GTF2A1: variants seen among roughly 807,000 people sequenced by gnomAD.
GTF2A1 encodes transcription initiation factor IIA subunit 1.
GTF2A1 carries 12 observed loss-of-function variants against 54.1 expected under a neutral mutation model. That is an observed-to-expected ratio of 0.22 (90% CI 0.14 to 0.36). The LOEUF (loss-of-function observed/expected upper bound fraction) is 0.36, where lower values mean the gene tolerates loss of function less well. Among genes scored for constraint, GTF2A1 ranks in the 10% least tolerant of loss-of-function variants. The pLI, the probability that GTF2A1 is intolerant of heterozygous loss-of-function variation, is 1.00. For synonymous variants in GTF2A1, 145 were observed against 152.0 expected (o/e 0.95, Z 0.34); for missense variants, 335 against 442.2 (o/e 0.76, Z 2.17).
At chr14:81,200,856 C>T (rs2140160711) in intron 4 of GTF2A1, among the ~76,000 whole-genome samples, 1 of 142,020 alleles carries the variant, frequency 7.0e-6, no homozygotes, top group East Asian at 2.1e-4. Context: ...TTGAACTACT[C>T]TAATCTGACT....
chr14:81,204,011 G>A lies in GTF2A1; in HGVS notation c.226C>T (p.Pro76Ser), dbSNP rs759857062. Residue 76 changes from proline to serine, a missense_variant, in exon 3 of 9, where the codon CCC (proline) becomes TCC (serine). Pro to Ser is a moderately conservative substitution (Grantham distance 74). Transcript: ENST00000553612. ...LLLQVQQQHQ[P>S]QQQQHHHHHH... ...TGGTGGTGATGCTGCTGCTGCTGGGGTTGATGCTGCTGTTGAACTTGCAGT... is the reference window on the plus strand; with the variant it reads ...TGGTGGTGATGCTGCTGCTGCTGGGATTGATGCTGCTGTTGAACTTGCAGT... 1.2e-5 allele frequency: 19 copies of A among 1,613,706 alleles called. No individual in the cohort carries two copies. The highest frequency in any genetic ancestry group is 7.7e-5 in the South Asian group (7 of 91,080).
chr14:81,203,337 A>G (rs1372225122), intron 3 of GTF2A1, among the ~76,000 whole-genome samples: 3 of 152,146 alleles, frequency 2.0e-5, no homozygotes, highest in African/African-American at 7.2e-5. Flanking sequence ...TTATATATCC[A>G]CTCTTAACTT....
chr14:81,207,133 A>G (rs1893250539), intron 2 of GTF2A1, among the ~76,000 whole-genome samples: 1 of 126,118 alleles, frequency 7.9e-6, no homozygotes, highest in South Asian at 2.7e-4. Flanking sequence ...CTATCTACCT[A>G]CCTACGTACC....
chr14:81,187,905 G>A (rs1892785049), intron 7 of GTF2A1, among the ~76,000 whole-genome samples: 1 of 152,098 alleles, frequency 6.6e-6, no homozygotes, highest in Non-Finnish European at 1.5e-5. Context: ...CTATCAAACT[G>A]TTTCCCACAG....
intron 2 of GTF2A1, among the ~76,000 whole-genome samples, chr14:81,205,914 T>C (rs536165709): frequency 2.0e-5 from 3 of 152,218 alleles, no homozygotes; most frequent in Non-Finnish European, 4.4e-5. Flanking sequence ...TTATGACTAA[T>C]GTATTATATA....
intron 8 of GTF2A1, among the ~76,000 whole-genome samples, chr14:81,182,530 TCCAACTACTTCTCA>T (rs1892660987): frequency 6.6e-6 from 1 of 152,082 alleles, no homozygotes; most frequent in African/African-American, 2.4e-5. Flanking sequence ...AAATCCAAAA[TCCAACTACTTCTCA>T]CCAACTTTAA....
chr14:81,185,202 T>C (rs1180586912), intron 8 of GTF2A1, among the ~76,000 whole-genome samples: 1 of 152,168 alleles, frequency 6.6e-6, no homozygotes, highest in Non-Finnish European at 1.5e-5. Context: ...GAAAACAGAA[T>C]TATCTCATTG....
At chr14:81,215,481 T>C (rs1018857629) in intron 2 of GTF2A1, among the ~76,000 whole-genome samples, 9 of 152,296 alleles carry the variant, frequency 5.9e-5, no homozygotes, top group African/African-American at 2.2e-4. Context: ...AGAACCACTA[T>C]TCTAATCAAC....
intron 2 of GTF2A1, among the ~76,000 whole-genome samples, chr14:81,206,862 T>C (rs1046448434): frequency 6.6e-6 from 1 of 152,140 alleles, no homozygotes; most frequent in Non-Finnish European, 1.5e-5. Context: ...AGAATGTTTT[T>C]TGTAAACAAA....
chr14:81,181,445 G>T (rs2140144701), intron 8 of GTF2A1, among the ~76,000 whole-genome samples: 1 of 152,276 alleles, frequency 6.6e-6, no homozygotes, highest in Non-Finnish European at 1.5e-5. Context: ...CTGCTACTAA[G>T]TGACAATCAT....
chr14:81,211,875 T>TCATATATATACATATATATATATATATA (rs1419902730), intron 2 of GTF2A1, among the ~76,000 whole-genome samples: 4 of 68,488 alleles, frequency 5.8e-5, no homozygotes, highest in African/African-American at 1.5e-4. Flanking sequence ...ATCAAGTACT[T>TCATATATATACATATATATATATATATA]TATATATATA....
chr14:81,210,551 G>A (rs1220325905), intron 2 of GTF2A1, among the ~76,000 whole-genome samples: 3 of 151,958 alleles, frequency 2.0e-5, no homozygotes, highest in East Asian at 1.9e-4. Context: ...ACTAACATAC[G>A]TTTTTGTTTT....
Position 81,185,380 on chromosome 14 carries a change from C to T in GTF2A1, c.1023+151G>A, listed in dbSNP as rs1595207887. 8.5e-6 allele frequency: 4 copies of T among 470,454 alleles called. No individual in the cohort carries two copies. The East Asian group carries it at 1.4e-4, about 16-fold the overall frequency. The allele number at this position is 470,454 out of a possible 1,614,324, so 29.1% of individuals were successfully genotyped here. Reference sequence around the variant, plus strand: ...TAATCTTTCATTCTATTAAAATAATCCACAAAACTCTAACAGGGTTTTCGT... The same window carrying T: ...TAATCTTTCATTCTATTAAAATAATTCACAAAACTCTAACAGGGTTTTCGT... On this transcript the variant is annotated intron_variant, in intron 8 of 8. Coordinates refer to ENST00000553612, the MANE Select transcript of GTF2A1 (RefSeq NM_015859.4).
intron 2 of GTF2A1, among the ~76,000 whole-genome samples, chr14:81,213,184 G>A (rs10137342): frequency 0.11 from 16,108 of 152,096 alleles, 1,908 homozygotes; most frequent in African/African-American, 0.29. Context: ...CCCAGACATC[G>A]TGGTAGAAGC....
At chr14:81,211,137 G>A (rs903852417) in intron 2 of GTF2A1, among the ~76,000 whole-genome samples, 1 of 152,150 alleles carries the variant, frequency 6.6e-6, no homozygotes, top group African/African-American at 2.4e-5. Flanking sequence ...GCTTATTCAA[G>A]ATCACTCTAA....
intron 2 of GTF2A1, among the ~76,000 whole-genome samples, chr14:81,204,554 CAT>C (rs1566858483): frequency 6.6e-6 from 1 of 152,064 alleles, no homozygotes; most frequent in Non-Finnish European, 1.5e-5. Flanking sequence ...ACATACAAAA[CAT>C]AAATTCATTT....
At chr14:81,189,191 T>C (rs1315214345) in intron 7 of GTF2A1, among the ~76,000 whole-genome samples, 1 of 152,150 alleles carries the variant, frequency 6.6e-6, no homozygotes, top group Non-Finnish European at 1.5e-5. Flanking sequence ...AAAAATTTAC[T>C]AGCAATAACT....
chr14:81,203,581 C>T (rs1893161205), intron 3 of GTF2A1, among the ~76,000 whole-genome samples: 1 of 152,300 alleles, frequency 6.6e-6, no homozygotes, highest in Non-Finnish European at 1.5e-5. Flanking sequence ...AAATCCATCA[C>T]TATATAGCCT....
chr14:81,180,267 T>G lies in GTF2A1; in HGVS notation c.1087A>C (p.Arg363=), dbSNP rs760865011. The change falls in exon 9 of 9, where the codon AGA becomes CGA. Residue 363 remains arginine, a synonymous_variant. Coordinates refer to ENST00000553612, the MANE Select transcript of GTF2A1 (RefSeq NM_015859.4). The part of the protein sequence containing the change: ...LKDGIMNLNG[R]DYIFSKAIGD... ...ATGGCTTTGGAAAATATATAATCTC[T>G]TCCATTAAGATTCATAATGCCATCC... The G allele has an allele frequency of 2.0e-6, 3 of 1,507,960 alleles. No homozygotes were observed. The highest frequency in any genetic ancestry group is 1.7e-5 in the Admixed American group (1 of 58,178). 93.4% of individuals were successfully genotyped at this position (1,507,960 alleles called of 1,614,324 possible). A position where few individuals can be genotyped will look rare whatever the true frequency, so the allele number is the denominator to read the frequency against.
Sources: allele counts gnomAD v4.1 joint callset (sites outside exome capture counted in the v4.1 genomes callset), GRCh38; gene constraint gnomAD v4.1.1; transcripts MANE v1.5; gene names NCBI Gene and HGNC (gene_info 2026-07-23, HGNC 2026-07-21).